ATP6V0D1: variants seen among roughly 807,000 people sequenced by gnomAD.
ATP6V0D1 encodes ATPase H+ transporting V0 subunit d1, also known as V-type proton ATPase subunit d 1.
In ATP6V0D1, 13 loss-of-function variants were observed where a neutral mutation model predicts 39.0. That is an observed-to-expected ratio of 0.33 (90% CI 0.22 to 0.53). The LOEUF (loss-of-function observed/expected upper bound fraction) is 0.53. Among genes scored for constraint, ATP6V0D1 ranks in the 20% least tolerant of loss-of-function variants. ATP6V0D1 has a pLI of 0.94. For synonymous variants in ATP6V0D1, 191 were observed against 191.2 expected, an observed-to-expected ratio of 1.00 and a Z score of 0.01; for missense variants, 272 against 470.9, an observed-to-expected ratio of 0.58 and a Z score of 3.91.
chr16:67,478,691 T>C (rs1337979895), intron 1 of ATP6V0D1, among the ~76,000 whole-genome samples: 2 of 136,650 alleles, frequency 1.5e-5, no homozygotes, highest in Non-Finnish European at 3.1e-5. Flanking sequence ...ACACTAAAGA[T>C]CTGGATGGTA....
intron 1 of ATP6V0D1, among the ~76,000 whole-genome samples, chr16:67,469,548 T>C (rs1411357635): frequency 2.6e-5 from 4 of 152,242 alleles, no homozygotes; most frequent in African/African-American, 4.8e-5. Flanking sequence ...AGCACCCCCA[T>C]AGGACTTGGG....
intron 2 of ATP6V0D1, among the ~76,000 whole-genome samples, chr16:67,449,798 C>A (rs1028815058): frequency 7.2e-5 from 11 of 152,264 alleles, no homozygotes; most frequent in African/African-American, 2.4e-4. Context: ...ACCTCCCTCC[C>A]AGCCCCAGGC....
At chr16:67,454,536 TTTTG>T (rs1283888881) in intron 1 of ATP6V0D1, 1 of 151,292 alleles carries the variant, frequency 6.6e-6, no homozygotes, top group African/African-American at 2.4e-5. Context: ...TCCCAGAGTG[TTTTG>T]TTTTTGTTTT....
Position 67,444,365 on chromosome 16 carries a change from G to A in ATP6V0D1, c.481+163C>T, listed in dbSNP as rs1011836060. Among the ~76,000 whole-genome samples the A allele has an allele frequency of 4.6e-5, 7 of 151,120 alleles. No homozygotes were observed. The highest frequency in any genetic ancestry group is 1.7e-4 in the African/African-American group (7 of 41,368). On this transcript the variant is annotated intron_variant, in intron 3 of 7. Transcript: ENST00000290949. This position sits in a 1 kb window ranked among gnomAD's most constrained non-coding sequence, Gnocchi z 4.8. The stretch of plus-strand genomic sequence containing the variant: ...CAGGAGCAGAAGAGGGGTGAAGTGA[G>A]GAGAGAATCGGAGGAGGAAGTTGAA...
chr16:67,465,307 G>A (rs968951711), intron 1 of ATP6V0D1, among the ~76,000 whole-genome samples: 3 of 152,146 alleles, frequency 2.0e-5, no homozygotes, highest in East Asian at 1.9e-4. Context: ...GCCATCTCCC[G>A]GAGTCACCCT....
intron 1 of ATP6V0D1, among the ~76,000 whole-genome samples, chr16:67,463,539 A>G (rs2041305667): frequency 6.6e-6 from 1 of 152,090 alleles, no homozygotes. Context: ...AAACAAAGAA[A>G]GAAAAAAGAA....
Position 67,453,831 on chromosome 16 carries a change from C to T in ATP6V0D1, c.131-116G>A. On this transcript the variant is annotated intron_variant, in intron 1 of 7. Coordinates refer to ENST00000290949, the MANE Select transcript of ATP6V0D1 (RefSeq NM_004691.5). This position sits in a 1 kb window ranked among gnomAD's most constrained non-coding sequence, Gnocchi z 4.1. ...TCTCCCCTGCAGTTGTGTCCCGCTA[C>T]TACCCTGATCTCCATCTCCCTGTTG... 1.1e-6 allele frequency: 1 copy of T among 944,688 alleles called. No individual in the cohort carries two copies. The highest frequency in any genetic ancestry group is 1.6e-5 in the South Asian group (1 of 62,930). 58.5% of individuals were successfully genotyped at this position (944,688 alleles called of 1,614,324 possible).
At position 67,438,603 on chromosome 16, in the gene ATP6V0D1, G is replaced by A. The variant is rs369839747; in HGVS notation, c.981C>T (p.Arg327=). The A allele has an allele frequency of 5.4e-5, 87 of 1,614,144 alleles. No homozygotes were observed. Among genetic ancestry groups the A allele is most frequent in the Non-Finnish European group, 7.1e-5 (84 of 1,180,058 alleles). The part of the protein sequence containing the change: ...AFVKLKEQEC[R]NIVWIAECIA... ...TACATTCAGCGATCCACACGATGTT[G>A]CGACACTCCTGCTCCTTGAGCTTCA... Residue 327 remains arginine, a synonymous_variant, in exon 8 of 8, where the codon CGC becomes CGT. Coordinates refer to ENST00000290949, the MANE Select transcript of ATP6V0D1 (RefSeq NM_004691.5).
At position 67,438,475 on chromosome 16, in the gene ATP6V0D1, A is replaced by ACACACACGCG. The variant is rs2041003009; in HGVS notation, c.*52_*53insCGCGTGTGTG. 1 of 667,874 alleles carries ACACACACGCG rather than the reference A, an allele frequency of 1.5e-6. No homozygotes were observed. The highest frequency in any genetic ancestry group is 2.0e-6 in the Non-Finnish European group (1 of 494,262). 41.4% of individuals were successfully genotyped at this position (667,874 alleles called of 1,614,324 possible). ...TACACACACACGCACACACACGCGC[A>ACACACACGCG]CACACACACACACACACACAAAGAG... is the stretch of plus-strand genomic sequence containing the variant. On this transcript the variant is annotated 3_prime_UTR_variant, in exon 8 of 8. Coordinates refer to ENST00000290949, the MANE Select transcript of ATP6V0D1 (RefSeq NM_004691.5).
chr16:67,448,993 G>A (rs2041148144), intron 2 of ATP6V0D1, among the ~76,000 whole-genome samples: 1 of 152,238 alleles, frequency 6.6e-6, no homozygotes. Context: ...GGGGCCAGAG[G>A]AACCTGATGT....
At chr16:67,474,392 G>A (rs1214984354) in intron 1 of ATP6V0D1, among the ~76,000 whole-genome samples, 1 of 152,208 alleles carries the variant, frequency 6.6e-6, no homozygotes, top group Non-Finnish European at 1.5e-5. Flanking sequence ...TAACTGTCTA[G>A]ACATTGTCTC....
intron 2 of ATP6V0D1, among the ~76,000 whole-genome samples, chr16:67,445,399 A>C (rs2041104047): frequency 6.6e-6 from 1 of 152,176 alleles, no homozygotes; most frequent in African/African-American, 2.4e-5. Context: ...AGAGATAGCG[A>C]CAGGAGGAAA....
In ATP6V0D1 at chr16:67,438,663, C is replaced by G; in HGVS notation, c.921G>C (p.Leu307=). ...AGAAGACACCAAAGTGGAACTGGTTCAGGAAGGCCAACTTGTTCAGCTTTA... is the reference window on the plus strand; with the variant it reads ...AGAAGACACCAAAGTGGAACTGGTTGAGGAAGGCCAACTTGTTCAGCTTTA... ...HEVKLNKLAF[L]NQFHFGVFYA... Residue 307 remains leucine (L), a synonymous_variant, in exon 8 of 8, where the codon CTG becomes CTC. Transcript: ENST00000290949. 6.2e-7 allele frequency: 1 copy of G among 1,614,254 alleles called. No individual in the cohort carries two copies. The highest frequency in any genetic ancestry group is 1.1e-5 in the South Asian group (1 of 91,088).
chr16:67,472,228 C>T (rs918961958), intron 1 of ATP6V0D1, among the ~76,000 whole-genome samples: 9 of 152,218 alleles, frequency 5.9e-5, no homozygotes, highest in Admixed American at 1.3e-4. Context: ...TGCAGCAATG[C>T]CACTGCCCAG....
chr16:67,468,741 C>G (rs1315612578), intron 1 of ATP6V0D1, among the ~76,000 whole-genome samples: 2 of 152,124 alleles, frequency 1.3e-5, no homozygotes, highest in African/African-American at 4.8e-5. Context: ...TCAAGAAACC[C>G]TAGTCACCCA....
At chr16:67,452,356 C>G (rs1005878488) in intron 2 of ATP6V0D1, 4 of 1,535,606 alleles carry the variant, frequency 2.6e-6, no homozygotes, top group African/African-American at 2.7e-5. Context: ...GCCTCTGACT[C>G]CTGCCTGAGA....
rs370999638 is a variant in ATP6V0D1, at chr16:67,439,259, C to T, written c.639+15G>A. 2.0e-5 allele frequency: 32 copies of T among 1,614,008 alleles called. No individual in the cohort carries two copies. The highest frequency in any genetic ancestry group is 1.6e-4 in the East Asian group (7 of 44,876). On this transcript the variant is annotated intron_variant, in intron 5 of 7. Transcript: ENST00000290949. ...TAGCGGGCACCAGCAGGCAGGAGGG[C>T]GGGCAGGCACTCACCTCCAGGATGG... is the stretch of plus-strand genomic sequence containing the variant.
At chr16:67,477,046 G>GAAA (rs2041420588) in intron 1 of ATP6V0D1, among the ~76,000 whole-genome samples, 1 of 74,620 alleles carries the variant, frequency 1.3e-5, no homozygotes, top group Admixed American at 1.3e-4. Flanking sequence ...AAAAAAAAAA[G>GAAA]AAGTACAAAC....
At position 67,439,130 on chromosome 16, in the gene ATP6V0D1, G is replaced by C; in HGVS notation, c.657C>G (p.Arg219=). ...AAGAATTGATGGTGATGATGAAGGCGCGGCGGTCTGCTTCAAACTGTGGAG... is the reference window on the plus strand; with the variant it reads ...AAGAATTGATGGTGATGATGAAGGCCCGGCGGTCTGCTTCAAACTGTGGAG... ...CPILEFEADR[R]AFIITINSFG... is the part of the protein sequence containing the mutation. Residue 219 remains arginine (R), a synonymous_variant, in exon 6 of 8, where the codon CGC becomes CGG. Coordinates refer to ENST00000290949, the MANE Select transcript of ATP6V0D1 (RefSeq NM_004691.5). 1 of 1,614,138 alleles carries C rather than the reference G, an allele frequency of 6.2e-7. No homozygotes were observed. Among genetic ancestry groups the C allele is most frequent in the Non-Finnish European group, 8.5e-7 (1 of 1,179,976 alleles).
Sources: gnomAD v4.1 joint callset for allele counts (sites outside exome capture counted in the v4.1 genomes callset) on GRCh38, gnomAD v4.1.1 for gene constraint, Gnocchi (gnomAD v3.1) non-coding constraint, MANE v1.5 for transcripts, NCBI Gene and HGNC (gene_info 2026-07-23, HGNC 2026-07-21) for gene names.